FHIT: variants seen among roughly 807,000 people sequenced by gnomAD.
FHIT encodes fragile histidine triad diadenosine triphosphatase, also known as bis(5'-adenosyl)-triphosphatase.
A neutral mutation model predicts 17.9 loss-of-function variants in FHIT; 19 were observed. That is an observed-to-expected ratio of 1.06 (90% CI 0.74 to 1.56). FHIT has a LOEUF of 1.56. FHIT is among the 40% of genes most tolerant of loss of function. The probability of loss-of-function intolerance (pLI) is 0.00; values close to 1 mark genes in which losing one functional copy is unlikely to be tolerated. For synonymous variants in FHIT, 81 were observed against 69.7 expected (o/e 1.16, Z -0.81); for missense variants, 248 against 189.2 (o/e 1.31, Z -1.82).
chr3:60,856,967 C>A (rs1205822366), intron 3 of FHIT, among the ~76,000 whole-genome samples: 1 of 152,138 alleles, frequency 6.6e-6, no homozygotes, highest in Non-Finnish European at 1.5e-5. Flanking sequence ...AACCAGGTTA[C>A]CTTCCCAATG....
rs2037383965 is a variant in FHIT at position 60,571,517 on chromosome 3, G to A, written c.-17-34538C>T. On this transcript the variant is annotated intron_variant, in intron 4 of 9. Coordinates refer to ENST00000492590, the MANE Select transcript of FHIT (RefSeq NM_002012.4). ...GAGGAGAATTTGAGAAAATTTTACA[G>A]TAAACAGGAATTTGCATACGCTCTG... 3.3e-5 allele frequency among the ~76,000 whole-genome samples: 5 copies of A among 152,006 alleles called. No homozygotes were observed. The South Asian group carries it at 1.0e-3, about 32-fold the overall frequency.
intron 5 of FHIT, among the ~76,000 whole-genome samples, chr3:60,195,121 G>A (rs544533142): frequency 1.2e-4 from 19 of 152,078 alleles, no homozygotes; most frequent in African/African-American, 3.6e-4. Flanking sequence ...AGCCAAGATC[G>A]CGCCATTCCA....
chr3:60,503,909 T>C (rs1448914932), intron 5 of FHIT, among the ~76,000 whole-genome samples: 1 of 152,130 alleles, frequency 6.6e-6, no homozygotes, highest in Non-Finnish European at 1.5e-5. Context: ...AAATTAACAG[T>C]ATTAAATTCT....
intron 3 of FHIT, among the ~76,000 whole-genome samples, chr3:60,985,865 G>T (rs1710701158): frequency 6.6e-6 from 1 of 152,210 alleles, no homozygotes; most frequent in South Asian, 2.1e-4. Context: ...TGACAGGGCT[G>T]TTCCTTCTGG....
intron 4 of FHIT, among the ~76,000 whole-genome samples, chr3:60,720,146 A>T (rs2041777313): frequency 6.6e-6 from 1 of 152,068 alleles, no homozygotes; most frequent in Admixed American, 6.5e-5. Flanking sequence ...AGCACTGGTA[A>T]ATTCTTTTTT....
In FHIT at chr3:60,053,956, C is replaced by T. The variant is rs370795783; in HGVS notation, c.104-39804G>A. Reference sequence around the variant, plus strand: ...TATCCACAACCCTACTCAGAGTATGCTTCAAATGTAAATCAGAAGCCATAT... The same window carrying T: ...TATCCACAACCCTACTCAGAGTATGTTTCAAATGTAAATCAGAAGCCATAT... On this transcript the variant is annotated intron_variant, in intron 5 of 9. Transcript: ENST00000492590. Among the ~76,000 whole-genome samples, 5 of 152,264 alleles carry T rather than the reference C, an allele frequency of 3.3e-5. No individual in the cohort carries two copies. The East Asian group carries it at 7.7e-4, about 23-fold the overall frequency.
chr3:61,137,546 T>A (rs563874888), intron 2 of FHIT, among the ~76,000 whole-genome samples: 2 of 152,292 alleles, frequency 1.3e-5, no homozygotes, highest in African/African-American at 4.8e-5. Flanking sequence ...CTAGCCTGGA[T>A]GCTACCTACA....
intron 5 of FHIT, among the ~76,000 whole-genome samples, chr3:60,453,769 C>A (rs189210715): frequency 1.3e-4 from 20 of 152,280 alleles, no homozygotes; most frequent in Admixed American, 1.3e-3. Context: ...TGAATATCAG[C>A]AGCTACCGAA....
At chr3:60,679,028 G>A (rs995476992) in intron 4 of FHIT, among the ~76,000 whole-genome samples, 5 of 151,048 alleles carry the variant, frequency 3.3e-5, no homozygotes, top group Non-Finnish European at 5.9e-5. Context: ...CACCAAAGCC[G>A]TAGTAAAGTC....
intron 5 of FHIT, among the ~76,000 whole-genome samples, chr3:60,133,611 G>A (rs1164148225): frequency 1.3e-5 from 2 of 152,088 alleles, no homozygotes; most frequent in East Asian, 3.9e-4. Flanking sequence ...TGTCCTGAGA[G>A]TGTGGGGACC....
intron 3 of FHIT, among the ~76,000 whole-genome samples, chr3:60,953,680 C>T (rs553669966): frequency 6.6e-6 from 1 of 152,152 alleles, no homozygotes; most frequent in African/African-American, 2.4e-5. Flanking sequence ...GCCAATGACT[C>T]TAGGGTCTCT....
At chr3:60,276,543 C>T (rs185116684) in intron 5 of FHIT, among the ~76,000 whole-genome samples, 5 of 152,194 alleles carry the variant, frequency 3.3e-5, no homozygotes, top group South Asian at 2.1e-4. Context: ...GTTTGTGTCA[C>T]GAGCGAACAA....
chr3:60,491,829 A>AT (rs199587819), intron 5 of FHIT, among the ~76,000 whole-genome samples: 18 of 151,760 alleles, frequency 1.2e-4, no homozygotes, highest in East Asian at 9.7e-4. Flanking sequence ...ATTTCCTTAA[A>AT]TTTTTTTTTA....
intron 8 of FHIT, among the ~76,000 whole-genome samples, chr3:59,857,780 A>C (rs148460081): frequency 6.7e-6 from 1 of 148,728 alleles, no homozygotes; most frequent in African/African-American, 2.6e-5. Flanking sequence ...GAAGGAAAAC[A>C]AGAATGCATT....
intron 5 of FHIT, among the ~76,000 whole-genome samples, chr3:60,492,157 T>C (rs925514363): frequency 5.9e-5 from 9 of 152,214 alleles, no homozygotes; most frequent in African/African-American, 2.2e-4. Context: ...TGTGTTCAAG[T>C]CTACTTTTCC....
intron 2 of FHIT, among the ~76,000 whole-genome samples, chr3:61,050,187 T>G (rs1239628351): frequency 1.3e-5 from 2 of 152,176 alleles, no homozygotes; most frequent in Non-Finnish European, 2.9e-5. Context: ...TATAGCGGCT[T>G]CCATCATAAA....
At chr3:60,203,858 A>C (rs1306487652) in intron 5 of FHIT, among the ~76,000 whole-genome samples, 1 of 152,184 alleles carries the variant, frequency 6.6e-6, no homozygotes, top group East Asian at 1.9e-4. Flanking sequence ...CAAACTTCGC[A>C]TGTTCTCACT....
intron 4 of FHIT, among the ~76,000 whole-genome samples, chr3:60,597,858 T>C (rs535903338): frequency 6.6e-6 from 1 of 152,128 alleles, no homozygotes; most frequent in African/African-American, 2.4e-5. Context: ...CTGAGAGATA[T>C]TGAGCCAGGA....
intron 5 of FHIT, among the ~76,000 whole-genome samples, chr3:60,026,019 A>AG (rs143529340): frequency 0.017 from 2,554 of 152,210 alleles, 74 homozygotes; most frequent in African/African-American, 0.057. Flanking sequence ...AGGCCTGTAA[A>AG]GGGGGGGAAA....
Sources: gnomAD v4.1 joint callset for allele counts (sites outside exome capture counted in the v4.1 genomes callset) on GRCh38, gnomAD v4.1.1 for gene constraint, MANE v1.5 for transcripts, NCBI Gene and HGNC (gene_info 2026-07-23, HGNC 2026-07-21) for gene names.